MAGT1: variants seen among roughly 807,000 people sequenced by gnomAD.
MAGT1 encodes the protein dolichyl-diphosphooligosaccharide--protein glycosyltransferase subunit MAGT1.
In MAGT1, 4 loss-of-function variants were observed where a neutral mutation model predicts 28.4. The observed-to-expected ratio is 0.14, with a 90% CI of 0.07 to 0.32. MAGT1 has a LOEUF of 0.32. MAGT1 is among the 10% of genes least tolerant of loss of function. The pLI, the probability that MAGT1 is intolerant of heterozygous loss-of-function variation, is 1.00. For missense variants in MAGT1, 193 were observed against 264.5 expected, an observed-to-expected ratio of 0.73 and a Z score of 1.88; for synonymous variants, 89 against 89.7, an observed-to-expected ratio of 0.99 and a Z score of 0.04.
At chrX:77,843,247 A>C (rs2076940827) in intron 7 of MAGT1, among the ~76,000 whole-genome samples, 1 of 110,949 alleles carries the variant, frequency 9.0e-6, no homozygotes, top group South Asian at 3.8e-4. Flanking sequence ...AATTTAATTT[A>C]TTTATTTGAG....
At chrX:77,850,855 T>C (rs1557215456) in intron 7 of MAGT1, among the ~76,000 whole-genome samples, 1 of 112,249 alleles carries the variant, frequency 8.9e-6, no homozygotes, top group African/African-American at 3.2e-5. Flanking sequence ...TTAATTGCTC[T>C]TTTGCTCCAT....
intron 6 of MAGT1, among the ~76,000 whole-genome samples, chrX:77,854,497 T>G (rs2076976595): frequency 9.0e-6 from 1 of 111,035 alleles, no homozygotes; most frequent in Non-Finnish European, 1.9e-5. Context: ...AACTAGTTGT[T>G]GTTGTTGTTT....
chrX:77,865,108 T>C (rs1386539855), intron 3 of MAGT1, among the ~76,000 whole-genome samples: 2 of 111,648 alleles, frequency 1.8e-5, no homozygotes, highest in African/African-American at 6.5e-5. Context: ...TGCACTGATT[T>C]TGATTTGTGG....
At chrX:77,830,390 C>T (rs1215226887) in intron 9 of MAGT1, among the ~76,000 whole-genome samples, 2 of 111,196 alleles carry the variant, frequency 1.8e-5, no homozygotes, top group African/African-American at 6.5e-5. Context: ...GAGGATGAGG[C>T]GGGTGGATCA....
At chrX:77,851,126 G>A (rs1368828609) in intron 7 of MAGT1, among the ~76,000 whole-genome samples, 1 of 108,564 alleles carries the variant, frequency 9.2e-6, no homozygotes, top group Non-Finnish European at 1.9e-5. Context: ...GCACACTACC[G>A]TTTCTGGCTA....
At chrX:77,883,184 T>G (rs1266639364) in intron 1 of MAGT1, among the ~76,000 whole-genome samples, 1 of 103,852 alleles carries the variant, frequency 9.6e-6, no homozygotes, top group African/African-American at 3.5e-5. Flanking sequence ...AAGTCTTTGC[T>G]ATTGTGAGTA....
intron 1 of MAGT1, among the ~76,000 whole-genome samples, chrX:77,892,917 T>G (rs1378675881): frequency 8.9e-6 from 1 of 112,042 alleles, no homozygotes; most frequent in African/African-American, 3.2e-5. Context: ...AAATGCTGGA[T>G]GTGAGGTAAA....
At chrX:77,865,627 T>C (rs1485117380) in intron 3 of MAGT1, among the ~76,000 whole-genome samples, 9 of 111,222 alleles carry the variant, frequency 8.1e-5, no homozygotes, top group Non-Finnish European at 1.7e-4. Flanking sequence ...GTCAAACAAC[T>C]ACAGAGCTAA....
At position 77,826,849 on chromosome X, in the gene MAGT1, T is replaced by A. The variant is rs1171810104; in HGVS notation, c.*2371A>T. The A allele has an allele frequency of 3.6e-5, 4 of 111,789 alleles. No homozygotes were observed. The highest frequency in any genetic ancestry group is 9.6e-5 in the Admixed American group (1 of 10,406). 9.2% of individuals were successfully genotyped at this position (111,789 alleles called of 1,213,427 possible). A position where few individuals can be genotyped will look rare whatever the true frequency, so the allele number is the denominator to read the frequency against. On this transcript the variant is annotated 3_prime_UTR_variant, in exon 10 of 10. Transcript: ENST00000618282. ...AGAATAGCAGGTAAGGAATTCAGAATCTCACAATTTACAAGTGAGTAATTA... is the reference window on the plus strand; with the variant it reads ...AGAATAGCAGGTAAGGAATTCAGAAACTCACAATTTACAAGTGAGTAATTA...
At chrX:77,878,289 CA>C (rs1205547369) in intron 1 of MAGT1, among the ~76,000 whole-genome samples, 41 of 15,072 alleles carry the variant, frequency 2.7e-3, no homozygotes, top group South Asian at 4.5e-3. Flanking sequence ...AACTCTGATG[CA>C]AAAAAAAAAA....
chrX:77,838,709 G>T (rs2076926672), intron 8 of MAGT1, among the ~76,000 whole-genome samples: 1 of 101,936 alleles, frequency 9.8e-6, no homozygotes. Flanking sequence ...AGTAAGCCAA[G>T]ATCACACCAC....
At position 77,895,424 on chromosome X, in the gene MAGT1, C is replaced by G; in HGVS notation, c.-14G>C. On this transcript the variant is annotated 5_prime_UTR_variant, in exon 1 of 10. Coordinates refer to ENST00000618282, the MANE Select transcript of MAGT1 (RefSeq NM_001367916.1). ...ACGCGCTGCCATGTTCGCTCCTCTC[C>G]CTTCTATAAGTGAAACTTTGCTCCG... 1 of 1,209,825 alleles carries G rather than the reference C, an allele frequency of 8.3e-7. No homozygotes were observed. Among genetic ancestry groups the G allele is most frequent in the East Asian group, 3.0e-5 (1 of 33,774 alleles).
intron 3 of MAGT1, among the ~76,000 whole-genome samples, chrX:77,870,424 AAG>A (rs2077017808): frequency 9.0e-6 from 1 of 111,178 alleles, no homozygotes; most frequent in Admixed American, 9.7e-5. Context: ...AATTTTAAAA[AAG>A]AGGTAAGGGG....
In MAGT1 at chrX:77,870,111, G is replaced by A. The variant is rs141255105; in HGVS notation, c.390+697C>T. Among the ~76,000 whole-genome samples the A allele has an allele frequency of 7.5e-4, 84 of 111,948 alleles. 2 individuals are homozygous for A. The East Asian group carries it at 0.022, about 29-fold the overall frequency. On this transcript the variant is annotated intron_variant, in intron 3 of 9. Transcript: ENST00000618282. ...AATGTATTTTGCAGCAATTTGGATG[G>A]AGCGGGAGGTCATTATTCTAAGTGA...
chrX:77,858,511 C>A (rs2076987028), intron 3 of MAGT1, among the ~76,000 whole-genome samples: 1 of 111,567 alleles, frequency 9.0e-6, no homozygotes, highest in South Asian at 3.7e-4. Context: ...AATTTTAAAA[C>A]CTCAGCCAAT....
At chrX:77,853,778 G>T in intron 7 of MAGT1, 123 bp downstream of exon 7, 2 of 593,920 alleles carry the variant, frequency 3.4e-6, no homozygotes, top group Non-Finnish European at 5.8e-6. Context: ...ATACAGTAAT[G>T]ATTTTCAAAG....
chrX:77,853,971 G>C lies in MAGT1; in HGVS notation c.763-7C>G. 8.4e-7 allele frequency: 1 copy of C among 1,184,696 alleles called. No homozygotes were observed. The highest frequency in any genetic ancestry group is 1.1e-6 in the Non-Finnish European group (1 of 871,236). On this transcript the variant is annotated splice_region_variant and splice_polypyrimidine_tract_variant and intron_variant, in intron 6 of 9. Coordinates refer to ENST00000618282, the MANE Select transcript of MAGT1 (RefSeq NM_001367916.1). ...TGCTTCCATGGATATAATTCTAGGAGGGAAAAAAGACAAAATGGAATCTTT... is the reference window on the plus strand; with the variant it reads ...TGCTTCCATGGATATAATTCTAGGACGGAAAAAAGACAAAATGGAATCTTT...
chrX:77,853,681 C>T (rs1296702305), intron 7 of MAGT1, among the ~76,000 whole-genome samples: 1 of 111,997 alleles, frequency 8.9e-6, no homozygotes, highest in Non-Finnish European at 1.9e-5. Flanking sequence ...GTACAGTATT[C>T]CTCATATTAA....
At chrX:77,832,442 T>C (rs782129767) in intron 8 of MAGT1, among the ~76,000 whole-genome samples, 1 of 110,680 alleles carries the variant, frequency 9.0e-6, no homozygotes, top group Admixed American at 9.7e-5. Context: ...ACCCTCATGA[T>C]GTTTTAAGGA....
Sources: gnomAD v4.1 joint callset for allele counts (sites outside exome capture counted in the v4.1 genomes callset) on GRCh38, gnomAD v4.1.1 for gene constraint, MANE v1.5 for transcripts, NCBI Gene and HGNC (gene_info 2026-07-23, HGNC 2026-07-21) for gene names.